Variants in ARHGEF4 observed in about 807,000 individuals in gnomAD.
ARHGEF4 encodes the protein APC-stimulated guanine nucleotide exchange factor 1.
ARHGEF4 carries 119 observed loss-of-function variants against 162.0 expected under a neutral mutation model. The ratio of observed to expected loss-of-function variants is 0.73; its 90% CI spans 0.63 to 0.86. The LOEUF (loss-of-function observed/expected upper bound fraction) is 0.86, where lower values mean the gene tolerates loss of function less well. ARHGEF4 is among the 40% of genes least tolerant of loss of function. The pLI, the probability that ARHGEF4 is intolerant of heterozygous loss-of-function variation, is 0.00. For missense variants in ARHGEF4, 2,488 were observed against 2,456.0 expected, an observed-to-expected ratio of 1.01 and a Z score of -0.28; for synonymous variants, 1,014 against 979.9, an observed-to-expected ratio of 1.03 and a Z score of -0.65.
intron 4 of ARHGEF4, chr2:130,964,002 C>G (rs1684817281): frequency 7.4e-6 from 1 of 135,950 alleles, no homozygotes; most frequent in Admixed American, 2.7e-4. Flanking sequence ...CGCCCCCGGC[C>G]CAGCCTTCCC....
At chr2:130,846,236 A>G (rs1680956175) in intron 1 of ARHGEF4, among the ~76,000 whole-genome samples, 1 of 152,190 alleles carries the variant, frequency 6.6e-6, no homozygotes, top group African/African-American at 2.4e-5. Flanking sequence ...AACTGTCATC[A>G]GTGCTGTGTC....
chr2:130,900,160 G>T (rs956696229), intron 1 of ARHGEF4, among the ~76,000 whole-genome samples: 2 of 152,040 alleles, frequency 1.3e-5, no homozygotes, highest in African/African-American at 4.8e-5. Flanking sequence ...TTCGGTGAAT[G>T]TTTCATGGAC....
intron 4 of ARHGEF4, among the ~76,000 whole-genome samples, chr2:130,967,691 G>A (rs535007171): frequency 6.6e-6 from 1 of 152,246 alleles, no homozygotes; most frequent in East Asian, 1.9e-4. Context: ...CACATTTCTT[G>A]CCCTTAAAGA....
intron 2 of ARHGEF4, among the ~76,000 whole-genome samples, chr2:130,922,724 G>T (rs956423807): frequency 1.0e-4 from 15 of 150,624 alleles, no homozygotes; most frequent in Non-Finnish European, 1.9e-4. Context: ...TGCCTTTTGG[G>T]TTTGGGCCTG....
chr2:130,859,460 C>T (rs1032663213), intron 1 of ARHGEF4, among the ~76,000 whole-genome samples: 1 of 64,096 alleles, frequency 1.6e-5, no homozygotes, highest in African/African-American at 3.8e-5. Flanking sequence ...CATAAACAGT[C>T]CTTACAGGCC....
chr2:130,986,195 A>G (rs1686486875), intron 4 of ARHGEF4, among the ~76,000 whole-genome samples: 1 of 151,406 alleles, frequency 6.6e-6, no homozygotes, highest in African/African-American at 2.4e-5. Context: ...ATGTGTGTGC[A>G]TAGGGTGTGT....
chr2:130,993,329 A>T (rs11896203), intron 4 of ARHGEF4, among the ~76,000 whole-genome samples: 2 of 152,198 alleles, frequency 1.3e-5, no homozygotes, highest in Non-Finnish European at 2.9e-5. Flanking sequence ...AATTTCTGGC[A>T]TATTTGTATT....
chr2:130,868,675 C>T (rs140580441), intron 1 of ARHGEF4, among the ~76,000 whole-genome samples: 4 of 152,268 alleles, frequency 2.6e-5, no homozygotes, highest in African/African-American at 7.2e-5. Context: ...GATTTTGTTG[C>T]AATTTTATGG....
intron 4 of ARHGEF4, among the ~76,000 whole-genome samples, chr2:131,014,350 A>G (rs6414019): frequency 0.91 from 139,206 of 152,270 alleles, 64,075 homozygotes; most frequent in Non-Finnish European, 0.97. Context: ...AAATCATGAC[A>G]CAGCCATGTT....
rs571044123 is a variant in ARHGEF4 at position 131,036,581 on chromosome 2, C to G, written c.4126-2272C>G. Reference sequence around the variant, plus strand: ...CCTTCCCTGGCAGCTATGTGGGGGGCCACCTATGCCGGACCCAGTCCCACC... The same window carrying G: ...CCTTCCCTGGCAGCTATGTGGGGGGGCACCTATGCCGGACCCAGTCCCACC... On this transcript the variant is annotated intron_variant, in intron 5 of 13. Transcript: ENST00000409359. Among the ~76,000 whole-genome samples, 14 of 152,330 alleles carry G rather than the reference C, an allele frequency of 9.2e-5. No homozygotes were observed. In the South Asian group the frequency reaches 2.7e-3, roughly 29 times the overall value.
chr2:130,875,387 T>C (rs1171213713), intron 1 of ARHGEF4, among the ~76,000 whole-genome samples: 1 of 152,206 alleles, frequency 6.6e-6, no homozygotes. Flanking sequence ...GGGTAATCTT[T>C]AAAAAGGTTT....
At chr2:130,837,474 CGCGAGG>C (rs1680276196) in intron 1 of ARHGEF4, 2 of 349,070 alleles carry the variant, frequency 5.7e-6, no homozygotes, top group South Asian at 4.1e-5. Context: ...GCTGAGAGTA[CGCGAGG>C]GCGCAGCAGC....
intron 1 of ARHGEF4, among the ~76,000 whole-genome samples, chr2:130,852,571 A>T (rs1477012481): frequency 6.6e-6 from 1 of 150,806 alleles, no homozygotes; most frequent in East Asian, 2.0e-4. Flanking sequence ...CCCGGGCAAG[A>T]CTGACTGTGG....
Position 130,964,300 on chromosome 2 carries a change from G to A in ARHGEF4, c.3985+17665G>A, listed in dbSNP as rs985671673. On this transcript the variant is annotated intron_variant, in intron 4 of 13. Coordinates refer to ENST00000409359, the MANE Select transcript of ARHGEF4 (RefSeq NM_001367493.1). ...GCACGCGCCCTCCGCGCCCGGGTCT[G>A]TGCTCTTGGGACCCCCCGCCCCCCT... The A allele has an allele frequency of 1.0e-5, 10 of 971,254 alleles. No homozygotes were observed. The African/African-American group carries it at 1.8e-4, about 17-fold the overall frequency. The allele number at this position is 971,254 out of a possible 1,614,324, so 60.2% of individuals were successfully genotyped here.
In ARHGEF4 at chr2:130,916,895, G is replaced by A. The variant is rs555575240; in HGVS notation, c.2949G>A (p.Glu983=). The change falls in exon 2 of 14, where the codon GAG becomes GAA. Residue 983 remains glutamate, a synonymous_variant. Transcript: ENST00000409359. Reference sequence around the variant, plus strand: ...GACCCGAAGTTCTCTCCCCAGCAGAGACCGACAGCCACTGTGAGGAACGGG... The same window carrying A: ...GACCCGAAGTTCTCTCCCCAGCAGAAACCGACAGCCACTGTGAGGAACGGG... ...PLGPEVLSPA[E]TDSHCEERAE... The A allele has an allele frequency of 1.2e-5, 19 of 1,550,474 alleles. No homozygotes were observed. The South Asian group carries it at 1.4e-4, about 12-fold the overall frequency.
At chr2:130,839,811 G>T (rs747263561) in intron 1 of ARHGEF4, among the ~76,000 whole-genome samples, 2 of 152,154 alleles carry the variant, frequency 1.3e-5, no homozygotes, top group Non-Finnish European at 2.9e-5. Flanking sequence ...TGCCTGCCTG[G>T]AGCCGTCACT....
intron 4 of ARHGEF4, among the ~76,000 whole-genome samples, chr2:130,986,323 A>T (rs1227726262): frequency 6.6e-6 from 1 of 152,114 alleles, no homozygotes; most frequent in African/African-American, 2.4e-5. Context: ...GTGTGTTCAC[A>T]TGGAGAGGCC....
chr2:130,955,975 T>G (rs1409021879), intron 4 of ARHGEF4, among the ~76,000 whole-genome samples: 3 of 152,186 alleles, frequency 2.0e-5, no homozygotes, highest in African/African-American at 7.2e-5. Flanking sequence ...AGCTATCTGT[T>G]TTACAACCTG....
At chr2:131,018,993 T>C (rs1442909196) in intron 4 of ARHGEF4, among the ~76,000 whole-genome samples, 1 of 152,218 alleles carries the variant, frequency 6.6e-6, no homozygotes, top group Non-Finnish European at 1.5e-5. Context: ...TGTGACTTTG[T>C]AGTAAGTTTT....
Sources: gnomAD v4.1 joint callset for allele counts (sites outside exome capture counted in the v4.1 genomes callset) on GRCh38, gnomAD v4.1.1 for gene constraint, MANE v1.5 for transcripts, NCBI Gene and HGNC (gene_info 2026-07-23, HGNC 2026-07-21) for gene names.